MLLT3: variants seen among roughly 807,000 people sequenced by gnomAD.
MLLT3 encodes MLLT3 super elongation complex subunit, also known as protein AF-9.
A neutral mutation model predicts 53.2 loss-of-function variants in MLLT3; 4 were observed. The ratio of observed to expected loss-of-function variants is 0.08; its 90% CI spans 0.04 to 0.17. The LOEUF is 0.17. Among genes scored for constraint, MLLT3 ranks in the 10% least tolerant of loss-of-function variants. The pLI, the probability that MLLT3 is intolerant of heterozygous loss-of-function variation, is 1.00. For missense variants in MLLT3, 569 were observed against 684.0 expected (o/e 0.83, Z 1.87); for synonymous variants, 283 against 230.6 (o/e 1.23, Z -2.06).
intron 2 of MLLT3, among the ~76,000 whole-genome samples, chr9:20,535,651 C>T (rs1459520135): frequency 2.6e-5 from 4 of 152,112 alleles, no homozygotes; most frequent in African/African-American, 7.2e-5. Context: ...AAGGAGCACA[C>T]GTTTAGGATT....
chr9:20,489,530 T>C (rs1045099420), intron 2 of MLLT3, among the ~76,000 whole-genome samples: 6 of 152,190 alleles, frequency 3.9e-5, no homozygotes, highest in Non-Finnish European at 5.9e-5. Flanking sequence ...GTAGGTTCAA[T>C]ATTTAGGGCT....
At chr9:20,478,989 G>C (rs982154231) in intron 2 of MLLT3, among the ~76,000 whole-genome samples, 1 of 152,168 alleles carries the variant, frequency 6.6e-6, no homozygotes, top group African/African-American at 2.4e-5. Context: ...AGATTGACAG[G>C]AACTGATGAC....
Position 20,620,529 on chromosome 9 carries a change from C to G in MLLT3, c.193+125G>C, listed in dbSNP as rs1820971527. 12 of 750,672 alleles carry G rather than the reference C, an allele frequency of 1.6e-5. No homozygotes were observed. The highest frequency in any genetic ancestry group is 2.0e-5 in the Non-Finnish European group (11 of 554,204). 46.5% of individuals were successfully genotyped at this position (750,672 alleles called of 1,614,324 possible). On this transcript the variant is annotated intron_variant, in intron 2 of 10. Transcript: ENST00000380338. This position sits in a 1 kb window ranked among gnomAD's most constrained non-coding sequence, Gnocchi z 6.1. ...CCTGGCCCGCGCGGCGCCGCGCACC[C>G]GGATCCCGAGGCTACGCCGGCGAGC...
At chr9:20,544,240 T>A (rs1422717874) in intron 2 of MLLT3, among the ~76,000 whole-genome samples, 4 of 151,988 alleles carry the variant, frequency 2.6e-5, no homozygotes, top group African/African-American at 9.7e-5. Flanking sequence ...CTTCAGAATA[T>A]CGGATTTGGG....
At position 20,441,291 on chromosome 9, in the gene MLLT3, C is replaced by T. The variant is rs142850673; in HGVS notation, c.420+6832G>A. Among the ~76,000 whole-genome samples, 620 of 152,202 alleles carry T rather than the reference C, an allele frequency of 4.1e-3. 4 individuals carry two copies. The highest frequency in any genetic ancestry group is 0.014 in the African/African-American group (593 of 41,534). Reference sequence around the variant, plus strand: ...AAGTCTGTAACTGCCCTGCAATCAACGTGTGTGACTTTAAGAAGACATTAA... The same window carrying T: ...AAGTCTGTAACTGCCCTGCAATCAATGTGTGTGACTTTAAGAAGACATTAA... On this transcript the variant is annotated intron_variant, in intron 4 of 10. Coordinates refer to ENST00000380338, the MANE Select transcript of MLLT3 (RefSeq NM_004529.4).
At chr9:20,434,810 TCTC>T (rs1199819085) in intron 4 of MLLT3, among the ~76,000 whole-genome samples, 1 of 151,550 alleles carries the variant, frequency 6.6e-6, no homozygotes, top group Non-Finnish European at 1.5e-5. Context: ...CTTCAGTTCA[TCTC>T]CTCTCAACTA....
intron 2 of MLLT3, among the ~76,000 whole-genome samples, chr9:20,567,441 C>T (rs1563821653): frequency 6.6e-6 from 1 of 152,180 alleles, no homozygotes; most frequent in East Asian, 1.9e-4. Flanking sequence ...CTGATAGCCA[C>T]CCCAAGCTAT....
At chr9:20,367,345 T>C (rs1014675890) in intron 5 of MLLT3, among the ~76,000 whole-genome samples, 4 of 152,208 alleles carry the variant, frequency 2.6e-5, no homozygotes, top group Admixed American at 2.6e-4. Flanking sequence ...GTGTCTTTGC[T>C]CCCCAGATAG....
intron 2 of MLLT3, among the ~76,000 whole-genome samples, chr9:20,526,317 G>A (rs1474968855): frequency 6.6e-6 from 1 of 152,140 alleles, no homozygotes; most frequent in East Asian, 1.9e-4. Context: ...AACATTACCA[G>A]TTTCCCAGAA....
intron 2 of MLLT3, among the ~76,000 whole-genome samples, chr9:20,482,742 A>G (rs1929170): frequency 0.75 from 114,105 of 152,038 alleles, 43,153 homozygotes; most frequent in Middle Eastern, 0.86. Context: ...GATTGTTTTC[A>G]TTTCTTTTTT....
chr9:20,428,606 T>C (rs1227369284), intron 4 of MLLT3, among the ~76,000 whole-genome samples: 1 of 152,064 alleles, frequency 6.6e-6, no homozygotes, highest in Non-Finnish European at 1.5e-5. Flanking sequence ...AAGAAAATGA[T>C]GGATGATAAA....
At chr9:20,521,656 C>T (rs1818062010) in intron 2 of MLLT3, among the ~76,000 whole-genome samples, 1 of 151,988 alleles carries the variant, frequency 6.6e-6, no homozygotes, top group Admixed American at 6.5e-5. Context: ...GATATAGATG[C>T]TCTAAGCAGG....
Position 20,343,215 on chromosome 9 carries a change from T to A in MLLT3, c.*3228A>T, listed in dbSNP as rs866293271. ...AAAAAAAAAAAAAAAAAAAAAAAAA[T>A]TTTGAAGAAACTTTTTAGTGGAAGA... On this transcript the variant is annotated 3_prime_UTR_variant, in exon 11 of 11. Transcript: ENST00000380338. The A allele has an allele frequency of 6.0e-3, 284 of 47,148 alleles. 1 individual carries two copies. The highest frequency in any genetic ancestry group is 0.016 in the Middle Eastern group (2 of 122). The allele number at this position is 47,148 out of a possible 1,614,324, so 2.9% of individuals were successfully genotyped here.
intron 4 of MLLT3, among the ~76,000 whole-genome samples, chr9:20,435,989 G>A (rs1484770357): frequency 1.3e-5 from 2 of 151,884 alleles, no homozygotes; most frequent in African/African-American, 4.8e-5. Context: ...AGTCAGCCAC[G>A]GTAAACTAAT....
intron 2 of MLLT3, among the ~76,000 whole-genome samples, chr9:20,619,870 G>A (rs987808687): frequency 6.6e-6 from 1 of 152,174 alleles, no homozygotes; most frequent in African/African-American, 2.4e-5. Flanking sequence ...CCAAGGTGGG[G>A]AGGGACTAAA....
intron 2 of MLLT3, among the ~76,000 whole-genome samples, chr9:20,472,515 C>T (rs549131788): frequency 7.1e-4 from 108 of 152,138 alleles, no homozygotes; most frequent in African/African-American, 2.4e-3. Context: ...AAGTACTGCC[C>T]ACCCCTACCA....
At chr9:20,492,892 G>T (rs1006045850) in intron 2 of MLLT3, among the ~76,000 whole-genome samples, 1 of 151,896 alleles carries the variant, frequency 6.6e-6, no homozygotes, top group African/African-American at 2.4e-5. Flanking sequence ...CTAAAATGCT[G>T]CAGGCTAAAT....
At chr9:20,428,775 G>A (rs1000143794) in intron 4 of MLLT3, among the ~76,000 whole-genome samples, 3 of 151,920 alleles carry the variant, frequency 2.0e-5, no homozygotes, top group South Asian at 2.1e-4. Context: ...GAGAGAAAGC[G>A]TAAATACAGC....
intron 3 of MLLT3, among the ~76,000 whole-genome samples, chr9:20,451,571 T>A (rs1823839778): frequency 6.6e-6 from 1 of 152,200 alleles, no homozygotes; most frequent in African/African-American, 2.4e-5. Context: ...CAACTTGTGC[T>A]CTGGCCAACT....
Sources: allele counts gnomAD v4.1 joint callset (sites outside exome capture counted in the v4.1 genomes callset), GRCh38; gene constraint gnomAD v4.1.1; non-coding constraint Gnocchi (gnomAD v3.1); transcripts MANE v1.5; gene names NCBI Gene and HGNC (gene_info 2026-07-23, HGNC 2026-07-21).